The following KIR2DL1 variants were observed in gnomAD, a reference collection of about 807,000 sequenced individuals.
KIR2DL1 encodes killer cell immunoglobulin-like receptor 2DL1.
Under a neutral mutation model 33.9 loss-of-function variants are expected in KIR2DL1, and 38 were observed. The ratio of observed to expected loss-of-function variants is 1.12; its 90% CI spans 0.86 to 1.47. The LOEUF is 1.47. Among genes scored for constraint, KIR2DL1 ranks in the 40% most tolerant of loss-of-function variants. The probability of loss-of-function intolerance (pLI) is 0.00; values close to 1 mark genes in which losing one functional copy is unlikely to be tolerated. For synonymous variants in KIR2DL1, 179 were observed against 165.9 expected (o/e 1.08, Z -0.61); for missense variants, 531 against 433.9 (o/e 1.22, Z -1.99).
At chr19:54,775,066 G>A (rs1159896643) in intron 3 of KIR2DL1, 99 bp from the exon 4 acceptor site, 7 of 1,351,010 alleles carry the variant, frequency 5.2e-6, no homozygotes, top group Non-Finnish European at 4.0e-6. Context: ...GAGAGAGAGA[G>A]CATTAGGTCA....
At chr19:54,780,180 A>T (rs1441240342) in intron 5 of KIR2DL1, 259 of 488,748 alleles carry the variant, frequency 5.3e-4, no homozygotes, top group African/African-American at 1.8e-3. Context: ...ATGGGACTAC[A>T]GGCGTGAGCC....
At chr19:54,777,651 C>G (rs2147534282) in intron 4 of KIR2DL1, among the ~76,000 whole-genome samples, 1 of 146,732 alleles carries the variant, frequency 6.8e-6, no homozygotes, top group South Asian at 2.2e-4. Context: ...TTATTTTTAG[C>G]AGTGCTGAAG....
In KIR2DL1 at chr19:54,784,242, C is replaced by G. The variant is rs1432725463; in HGVS notation, c.*429C>G. 4 of 299,708 alleles carry G rather than the reference C, an allele frequency of 1.3e-5. No individual in the cohort carries two copies. The highest frequency in any genetic ancestry group is 4.9e-5 in the Admixed American group (1 of 20,490). 18.6% of individuals were successfully genotyped at this position (299,708 alleles called of 1,614,324 possible). A position where few individuals can be genotyped will look rare whatever the true frequency, so the allele number is the denominator to read the frequency against. Reference sequence around the variant, plus strand: ...TCCCCTCAGACTAGCTTTCAGTCTTCTGTCAGCAGTAAAACTTATATATTT... The same window carrying G: ...TCCCCTCAGACTAGCTTTCAGTCTTGTGTCAGCAGTAAAACTTATATATTT... On this transcript the variant is annotated 3_prime_UTR_variant, in exon 8 of 8. Transcript: ENST00000336077.
rs75652349 is a variant in KIR2DL1 at position 54,773,880 on chromosome 19, C to G, written c.370+248C>G. Among the ~76,000 whole-genome samples, 141 of 145,062 alleles carry G rather than the reference C, an allele frequency of 9.7e-4. 10 individuals carry two copies. The highest frequency in any genetic ancestry group is 1.4e-3 in the Non-Finnish European group (94 of 65,082). ...AAGACAGAAAGAGTTAAAGGAGACA[C>G]ACAGACAGACATGTCCCAGAGAGAG... is the stretch of plus-strand genomic sequence containing the variant. On this transcript the variant is annotated intron_variant, in intron 3 of 7. Transcript: ENST00000336077.
At position 54,783,438 on chromosome 19, in the gene KIR2DL1, A is replaced by G. The variant is rs569796776; in HGVS notation, c.818-48A>G. On this transcript the variant is annotated intron_variant, in intron 6 of 7. Coordinates refer to ENST00000336077, the MANE Select transcript of KIR2DL1 (RefSeq NM_014218.3). ...GTTGGTATCTGCTTATGAAATGAGG[A>G]CCCAGAAGTGCCCTCCGAGCTGTTT... 3.7e-4 allele frequency: 587 copies of G among 1,593,520 alleles called. 9 individuals carry two copies. The East Asian group carries it at 9.0e-3, about 24-fold the overall frequency.
rs2076377246 is a variant in KIR2DL1, at chr19:54,776,636, T to TG, written c.664+1178_664+1179insG. Among the ~76,000 whole-genome samples the TG allele has an allele frequency of 4.8e-5, 3 of 63,086 alleles. 1 individual carries two copies. The highest frequency in any genetic ancestry group is 1.8e-4 in the Admixed American group (1 of 5,684). The allele number at this position is 63,086 out of a possible 152,430, so 41.4% of individuals were successfully genotyped here. On this transcript the variant is annotated intron_variant, in intron 4 of 7. Transcript: ENST00000336077. ...TTGCTGGATACTATGAAAGTTCTCT[T>TG]TTTTTTTTTTTTTTCTTTTTTGAGA...
chr19:54,776,678 AG>A (rs2076384218), intron 4 of KIR2DL1, among the ~76,000 whole-genome samples: 1 of 124,372 alleles, frequency 8.0e-6, no homozygotes, highest in Non-Finnish European at 1.7e-5. Context: ...TTCCCTCCTT[AG>A]CCCAAGCTGG....
In KIR2DL1 at chr19:54,784,305, T is replaced by C. The variant is rs1215924053; in HGVS notation, c.*492T>C. 3 of 239,534 alleles carry C rather than the reference T, an allele frequency of 1.3e-5. No homozygotes were observed. Among genetic ancestry groups the C allele is most frequent in the African/African-American group, 7.0e-5 (3 of 42,902 alleles). The allele number at this position is 239,534 out of a possible 1,614,324, so 14.8% of individuals were successfully genotyped here. A position where few individuals can be genotyped will look rare whatever the true frequency, so the allele number is the denominator to read the frequency against. The stretch of plus-strand genomic sequence containing the variant: ...TCAATGTAGTTTTCCATCCTTCAAA[T>C]AAACATGTCTGCCCCCATGGTTTCG... On this transcript the variant is annotated 3_prime_UTR_variant, in exon 8 of 8. Transcript: ENST00000336077.
intron 4 of KIR2DL1, among the ~76,000 whole-genome samples, chr19:54,777,137 C>T (rs2076445858): frequency 1.3e-5 from 2 of 151,226 alleles, no homozygotes; most frequent in Non-Finnish European, 2.9e-5. Context: ...CTCACCCAGG[C>T]TGGAGTGCAG....
intron 5 of KIR2DL1, among the ~76,000 whole-genome samples, chr19:54,782,290 G>A (rs2077061228): frequency 6.6e-6 from 1 of 151,350 alleles, no homozygotes; most frequent in African/African-American, 2.4e-5. Flanking sequence ...TGCTGTCTTA[G>A]GCCATTTTTG....
chr19:54,776,402 G>T (rs1600776620), intron 4 of KIR2DL1, among the ~76,000 whole-genome samples: 1 of 145,832 alleles, frequency 6.9e-6, no homozygotes, highest in African/African-American at 2.5e-5. Context: ...CCATGTGGCT[G>T]CAAATGACAG....
chr19:54,782,566 AG>A (rs1392602671), intron 5 of KIR2DL1, among the ~76,000 whole-genome samples: 1 of 151,934 alleles, frequency 6.6e-6, no homozygotes, highest in Non-Finnish European at 1.5e-5. Flanking sequence ...GAACTAATAG[AG>A]GGGGAACTTG....
intron 1 of KIR2DL1, among the ~76,000 whole-genome samples, chr19:54,770,420 G>T (rs2075551418): frequency 2.1e-5 from 3 of 145,372 alleles, no homozygotes; most frequent in Non-Finnish European, 4.6e-5. Context: ...GGAGATACGG[G>T]CCTGGGTGTG....
Position 54,769,824 on chromosome 19 carries a change from C to T in KIR2DL1, c.-27C>T, listed in dbSNP as rs201795960. On this transcript the variant is annotated 5_prime_UTR_variant, in exon 1 of 8. Transcript: ENST00000336077. ...TGCGCTGCTGAGCTGAGCTCGGTCG[C>T]GGCTGCCTGTCTGCTCCGGCAGCAC... 317 of 1,565,974 alleles carry T rather than the reference C, an allele frequency of 2.0e-4. 26 individuals carry two copies. The highest frequency in any genetic ancestry group is 3.5e-4 in the Admixed American group (20 of 57,752).
At chr19:54,783,117 T>G in intron 6 of KIR2DL1, 94 bp downstream of exon 6, 1 of 1,431,230 alleles carries the variant, frequency 7.0e-7, no homozygotes, top group Non-Finnish European at 9.8e-7. Flanking sequence ...AACAGGATGG[T>G]CCCTGGCCCA....
At position 54,775,194 on chromosome 19, in the gene KIR2DL1, C is replaced by A; in HGVS notation, c.400C>A (p.Gln134Lys). Reference sequence around the variant, plus strand: ...ATATGAGAAACCTTCTCTCTCAGCCCAGCTGGGCCCCACGGTTCTGGCAGG... The same window carrying A: ...ATATGAGAAACCTTCTCTCTCAGCCAAGCTGGGCCCCACGGTTCTGGCAGG... ...GLYEKPSLSAQLGPTVLAGEN... is the reference protein window; with the variant it reads ...GLYEKPSLSAKLGPTVLAGEN... Residue 134 changes from glutamine to lysine, a missense_variant, in exon 4 of 8, where the codon CAG (glutamine) becomes AAG (lysine). Coordinates refer to ENST00000336077, the MANE Select transcript of KIR2DL1 (RefSeq NM_014218.3). 2 of 1,590,924 alleles carry A rather than the reference C, an allele frequency of 1.3e-6. No homozygotes were observed. The highest frequency in any genetic ancestry group is 1.7e-6 in the Non-Finnish European group (2 of 1,163,530).
chr19:54,772,299 T>G (rs201501862), intron 2 of KIR2DL1, among the ~76,000 whole-genome samples: 6,968 of 122,328 alleles, frequency 0.057, 1 homozygote, highest in Middle Eastern at 0.1. Flanking sequence ...GTGGAGGAAG[T>G]CCAGGAGCCA....
chr19:54,770,199 G>GA lies in KIR2DL1; in HGVS notation c.34+316dup, dbSNP rs558183154. Among the ~76,000 whole-genome samples the GA allele has an allele frequency of 4.3e-3, 631 of 145,268 alleles. 60 individuals are homozygous for GA. The highest frequency in any genetic ancestry group is 0.015 in the African/African-American group (587 of 39,738). On this transcript the variant is annotated intron_variant, in intron 1 of 7. Transcript: ENST00000336077. Reference sequence around the variant, plus strand: ...GAGGTGGAGATATGGGCCTGGAGTGGAGTCATGGGCCTGGAGGTGGAGTTA... The same window carrying GA: ...GAGGTGGAGATATGGGCCTGGAGTGGAAGTCATGGGCCTGGAGGTGGAGTTA...
In KIR2DL1 at chr19:54,782,996, C is replaced by A. The variant is rs2077203461; in HGVS notation, c.790C>A (p.Leu264Ile). The change falls in exon 6 of 8, where the codon CTT becomes ATT. Residue 264 changes from leucine to isoleucine, a missense_variant. By Grantham distance (5) the Leu-to-Ile change is conservative. Coordinates refer to ENST00000336077, the MANE Select transcript of KIR2DL1 (RefSeq NM_014218.3). ...IILFILLFFL[L>I]HRWCSNKKNA... ...CCTCTTCATCCTCCTCTTCTTTCTCCTTCATCGCTGGTGCTCCAACAAAAA... is the reference window on the plus strand; with the variant it reads ...CCTCTTCATCCTCCTCTTCTTTCTCATTCATCGCTGGTGCTCCAACAAAAA... 1 of 1,613,590 alleles carries A rather than the reference C, an allele frequency of 6.2e-7. No individual in the cohort carries two copies.
Sources: gnomAD v4.1 joint callset for allele counts (sites outside exome capture counted in the v4.1 genomes callset) on GRCh38, gnomAD v4.1.1 for gene constraint, MANE v1.5 for transcripts, NCBI Gene and HGNC (gene_info 2026-07-23, HGNC 2026-07-21) for gene names.